The following NTRK3 variants were observed in gnomAD, a reference collection of about 807,000 sequenced individuals.
NTRK3 encodes the protein neurotrophic receptor tyrosine kinase 3.
A neutral mutation model predicts 91.7 loss-of-function variants in NTRK3; 24 were observed. The observed-to-expected ratio is 0.26, with a 90% CI of 0.19 to 0.37. The LOEUF (loss-of-function observed/expected upper bound fraction) is 0.37, where lower values mean the gene tolerates loss of function less well. Among genes scored for constraint, NTRK3 ranks in the 10% least tolerant of loss-of-function variants. NTRK3 has a pLI of 1.00. For missense variants in NTRK3, 880 were observed against 1,068.9 expected, an observed-to-expected ratio of 0.82 and a Z score of 2.46; for synonymous variants, 483 against 404.0, an observed-to-expected ratio of 1.20 and a Z score of -2.34.
At chr15:87,994,296 T>C (rs2075515820) in intron 14 of NTRK3, among the ~76,000 whole-genome samples, 1 of 152,188 alleles carries the variant, frequency 6.6e-6, no homozygotes, top group Non-Finnish European at 1.5e-5. Flanking sequence ...GTCACCTTAT[T>C]TGAAAACGGG....
chr15:88,254,154 A>T (rs2053743499), intron 3 of NTRK3, among the ~76,000 whole-genome samples: 1 of 152,084 alleles, frequency 6.6e-6, no homozygotes, highest in Non-Finnish European at 1.5e-5. Flanking sequence ...CTGAGCACCA[A>T]GACTGGCTGC....
intron 5 of NTRK3, among the ~76,000 whole-genome samples, chr15:88,179,281 T>A (rs2046259591): frequency 6.6e-6 from 1 of 152,196 alleles, no homozygotes; most frequent in African/African-American, 2.4e-5. Flanking sequence ...TTAAATTGCT[T>A]CTGTGAAAAA....
chr15:87,930,470 C>T (rs80241735), intron 16 of NTRK3, among the ~76,000 whole-genome samples: 3,068 of 152,196 alleles, frequency 0.02, 105 homozygotes, highest in African/African-American at 0.07. Flanking sequence ...TTACTATCTC[C>T]GGTGGGCTCT....
chr15:88,140,524 C>T (rs192114105), intron 6 of NTRK3, among the ~76,000 whole-genome samples: 137 of 152,342 alleles, frequency 9.0e-4, no homozygotes, highest in African/African-American at 3.2e-3. Context: ...TCAAACAAAA[C>T]TACTGACGGC....
chr15:88,227,658 T>A (rs139593604), intron 3 of NTRK3, among the ~76,000 whole-genome samples: 1 of 152,094 alleles, frequency 6.6e-6, no homozygotes, highest in Admixed American at 6.5e-5. Context: ...ACTTCTTCTG[T>A]TTAAGACACC....
intron 13 of NTRK3, among the ~76,000 whole-genome samples, chr15:88,068,862 G>C (rs992728619): frequency 6.6e-6 from 1 of 152,138 alleles, no homozygotes; most frequent in Non-Finnish European, 1.5e-5. Flanking sequence ...GAAGCAAATG[G>C]AGCCAAGAGG....
At chr15:87,993,222 C>G (rs919337956) in intron 14 of NTRK3, among the ~76,000 whole-genome samples, 1 of 152,054 alleles carries the variant, frequency 6.6e-6, no homozygotes. Context: ...ATATGATGAG[C>G]AAAAGACAAA....
chr15:88,183,016 C>T (rs1025244050), intron 5 of NTRK3, among the ~76,000 whole-genome samples: 4 of 123,950 alleles, frequency 3.2e-5, no homozygotes, highest in East Asian at 5.6e-4. Context: ...CTTGCAACCC[C>T]CCCCCGCCCC....
intron 14 of NTRK3, chr15:87,981,185 G>T: frequency 6.4e-7 from 1 of 1,553,038 alleles, no homozygotes; most frequent in Non-Finnish European, 8.7e-7. Context: ...TTAGGGGAGG[G>T]ATCTTTACTG....
chr15:88,075,271 A>G (rs568143974), intron 13 of NTRK3, among the ~76,000 whole-genome samples: 8 of 152,336 alleles, frequency 5.3e-5, no homozygotes, highest in Admixed American at 2.6e-4. Flanking sequence ...CACAGGGTCA[A>G]CAACTCTATC....
chr15:88,012,689 G>A (rs545429309), intron 14 of NTRK3, among the ~76,000 whole-genome samples: 49 of 152,254 alleles, frequency 3.2e-4, no homozygotes, highest in Admixed American at 6.5e-4. Flanking sequence ...GTTTTATAAT[G>A]CACTATTAGT....
At chr15:87,929,027 T>A (rs2068564635) in intron 17 of NTRK3, 164 bp downstream of exon 17, 1 of 902,456 alleles carries the variant, frequency 1.1e-6, no homozygotes, top group African/African-American at 1.6e-5. Flanking sequence ...TAAACAGGTA[T>A]GTCAAGATGC....
chr15:88,136,065 C>T lies in NTRK3; in HGVS notation c.766-25G>A, dbSNP rs745969387. 2.5e-6 allele frequency: 4 copies of T among 1,614,102 alleles called. No homozygotes were observed. In the South Asian group the frequency reaches 4.4e-5, roughly 18 times the overall value. On this transcript the variant is annotated intron_variant, in intron 8 of 18. Transcript: ENST00000394480. ...TCTGAAAACCCCAATAAAAAGATAA[C>T]AATCAGATAGCTTCTACAAGGATGG...
chr15:88,135,037 T>G (rs2041740086), intron 10 of NTRK3, 64 bp downstream of exon 10: 1 of 1,575,624 alleles, frequency 6.3e-7, no homozygotes, highest in Non-Finnish European at 8.7e-7. Flanking sequence ...CAAGCTACCA[T>G]GCCCCATCTC....
chr15:87,921,570 G>A (rs1459631417), intron 17 of NTRK3, among the ~76,000 whole-genome samples: 1 of 152,106 alleles, frequency 6.6e-6, no homozygotes, highest in Admixed American at 6.6e-5. Context: ...GAATAGACTT[G>A]TGATGGACCC....
intron 5 of NTRK3, among the ~76,000 whole-genome samples, chr15:88,159,272 A>G (rs1182672982): frequency 1.3e-5 from 2 of 152,218 alleles, no homozygotes; most frequent in Admixed American, 6.5e-5. Context: ...GCCTTTTCAT[A>G]AAGAAATCTG....
intron 14 of NTRK3, among the ~76,000 whole-genome samples, chr15:88,000,651 T>C (rs1029198829): frequency 2.0e-5 from 3 of 152,216 alleles, no homozygotes; most frequent in Non-Finnish European, 4.4e-5. Context: ...CTTGACATAC[T>C]GTTTGCAAGC....
At chr15:88,149,896 C>T (rs1032566531) in intron 5 of NTRK3, among the ~76,000 whole-genome samples, 1 of 152,210 alleles carries the variant, frequency 6.6e-6, no homozygotes, top group Non-Finnish European at 1.5e-5. Flanking sequence ...CTGTTTTGCT[C>T]TATTTTGCCT....
chr15:87,936,664 C>G (rs955570232), intron 15 of NTRK3, among the ~76,000 whole-genome samples: 2 of 151,812 alleles, frequency 1.3e-5, no homozygotes, highest in African/African-American at 4.8e-5. Flanking sequence ...GTTCAAAGTC[C>G]TAAGTGGTAA....
Sources: allele counts gnomAD v4.1 joint callset (sites outside exome capture counted in the v4.1 genomes callset), GRCh38; gene constraint gnomAD v4.1.1; transcripts MANE v1.5; gene names NCBI Gene and HGNC (gene_info 2026-07-23, HGNC 2026-07-21).